The following LRRC51 variants were observed in gnomAD, a reference collection of about 807,000 sequenced individuals.
LRRC51 encodes the protein leucine-rich repeat-containing protein 51.
In LRRC51, 8 loss-of-function variants were observed where a neutral mutation model predicts 17.8. That is an observed-to-expected ratio of 0.45 (90% confidence interval 0.26 to 0.81). The LOEUF (loss-of-function observed/expected upper bound fraction) is 0.81, where lower values mean the gene tolerates loss of function less well. Ranked by LOEUF, LRRC51 falls within the 30% of genes least tolerant of loss-of-function variation. The pLI is 0.17. For missense variants in LRRC51, 233 were observed against 239.3 expected, an observed-to-expected ratio of 0.97 and a Z score of 0.17; for synonymous variants, 92 against 96.0, an observed-to-expected ratio of 0.96 and a Z score of 0.24.
In LRRC51 at chr11:72,089,393, C is replaced by T. The variant is rs553481632; in HGVS notation, c.82+228C>T. ...CCCCAGGAGATCCTAAGAACATGTGCCCCTGTTTGTTTTTTTTAAGCAGCA... is the reference window on the plus strand; with the variant it reads ...CCCCAGGAGATCCTAAGAACATGTGTCCCTGTTTGTTTTTTTTAAGCAGCA... On this transcript the variant is annotated intron_variant, in intron 3 of 5. Coordinates refer to ENST00000289488, the MANE Select transcript of LRRC51 (RefSeq NM_145309.6). 1.4e-5 allele frequency: 21 copies of T among 1,460,292 alleles called. No individual in the cohort carries two copies. The Admixed American group carries it at 3.6e-4, about 25-fold the overall frequency. The allele number at this position is 1,460,292 out of a possible 1,614,324, so 90.5% of individuals were successfully genotyped here. A position where few individuals can be genotyped will look rare whatever the true frequency, so the allele number is the denominator to read the frequency against.
chr11:72,094,842 G>A, intron 4 of LRRC51, 106 bp from the exon 5 acceptor site: 2 of 1,609,290 alleles, frequency 1.2e-6, no homozygotes, highest in Admixed American at 1.7e-5. Context: ...GGAGTGGAGG[G>A]CAGGTTGTTC....
chr11:72,087,519 T>C (rs1210878741), intron 1 of LRRC51, among the ~76,000 whole-genome samples: 1 of 152,232 alleles, frequency 6.6e-6, no homozygotes, highest in Non-Finnish European at 1.5e-5. Context: ...TGATGAGAAC[T>C]GCAATCCCAA....
At chr11:72,095,333 G>C (rs201350730) in intron 5 of LRRC51, 46 bp from the exon 6 acceptor site, 19 of 1,613,076 alleles carry the variant, frequency 1.2e-5, no homozygotes, top group Non-Finnish European at 1.6e-5. Flanking sequence ...AGGGGGAAGG[G>C]GATTCTGGTG....
Position 72,081,051 on chromosome 11 carries a change from G to C in LRRC51, c.-140+166G>C, listed in dbSNP as rs1222535343. Reference sequence around the variant, plus strand: ...GCGAACAAGATACAACACTCACATGGGACAGACTGGGCGAGGGGGAGCAGA... The same window carrying C: ...GCGAACAAGATACAACACTCACATGCGACAGACTGGGCGAGGGGGAGCAGA... On this transcript the variant is annotated intron_variant, in intron 1 of 5. Transcript: ENST00000289488. 3.3e-5 allele frequency among the ~76,000 whole-genome samples: 5 copies of C among 152,280 alleles called. No individual in the cohort carries two copies. In the East Asian group the frequency reaches 9.6e-4, roughly 29 times the overall value.
intron 2 of LRRC51, chr11:72,088,644 G>C: frequency 9.0e-6 from 5 of 557,934 alleles, no homozygotes; most frequent in Non-Finnish European, 1.6e-5. Context: ...TATCAAGACA[G>C]TCTCCACAGT....
Position 72,096,439 on chromosome 11 carries a change from T to C in LRRC51, c.*919T>C. 3.9e-6 allele frequency: 3 copies of C among 776,516 alleles called. No homozygotes were observed. Among genetic ancestry groups the C allele is most frequent in the Non-Finnish European group, 4.9e-6 (3 of 615,860 alleles). 48.1% of individuals were successfully genotyped at this position (776,516 alleles called of 1,614,324 possible). A position where few individuals can be genotyped will look rare whatever the true frequency, so the allele number is the denominator to read the frequency against. ...TTTTAGTAGAGATGGGGTTTCGCCA[T>C]GTTGGCCAGGCTGGTCTCAAACTCC... On this transcript the variant is annotated 3_prime_UTR_variant, in exon 6 of 6. Coordinates refer to ENST00000289488, the MANE Select transcript of LRRC51 (RefSeq NM_145309.6).
At chr11:72,086,351 TG>T in intron 1 of LRRC51, 1 of 694,610 alleles carries the variant, frequency 1.4e-6, no homozygotes, top group Non-Finnish European at 2.6e-6. Flanking sequence ...TCATTTCTTC[TG>T]GTCAGGCACA....
At chr11:72,092,705 G>A (rs560229162) in intron 3 of LRRC51, among the ~76,000 whole-genome samples, 2 of 152,272 alleles carry the variant, frequency 1.3e-5, no homozygotes, top group East Asian at 1.9e-4. Context: ...ACACAAACCC[G>A]CCCCAGACTC....
chr11:72,090,877 G>A (rs148144486), intron 3 of LRRC51, among the ~76,000 whole-genome samples: 59 of 152,290 alleles, frequency 3.9e-4, no homozygotes, highest in African/African-American at 1.2e-3. Context: ...CTGACACATG[G>A]CAAGAGCTAC....
In LRRC51 at chr11:72,094,957, A is replaced by C; in HGVS notation, c.298A>C (p.Thr100Pro). 4.3e-6 allele frequency: 7 copies of C among 1,613,966 alleles called. No homozygotes were observed. Among genetic ancestry groups the C allele is most frequent in the Non-Finnish European group, 5.9e-6 (7 of 1,179,986 alleles). Residue 100 changes from threonine (T) to proline (P), a missense_variant, in exon 5 of 6, where the codon ACT becomes CCT. Coordinates refer to ENST00000289488, the MANE Select transcript of LRRC51 (RefSeq NM_145309.6). The stretch of plus-strand genomic sequence containing the variant: ...TTTCCCTCCCCAACAGGTCCTAACA[A>C]CTTTCTTCAACCTGAGTGTCCTCTA... ...DLTSIDPVLTTFFNLSVLYLH... is the reference protein window; with the variant it reads ...DLTSIDPVLTPFFNLSVLYLH...
At position 72,093,720 on chromosome 11, in the gene LRRC51, G is replaced by C. The variant is rs561276087; in HGVS notation, c.288+19G>C. ...TGACCCTGTGAGTTCCTAACAGTAG[G>C]AATCCAGTCAGGGGAGCCTGAAGCC... is the stretch of plus-strand genomic sequence containing the variant. On this transcript the variant is annotated intron_variant, in intron 4 of 5. Transcript: ENST00000289488. 704 of 1,613,198 alleles carry C rather than the reference G, an allele frequency of 4.4e-4. 8 individuals carry two copies. The South Asian group carries it at 6.9e-3, about 16-fold the overall frequency.
At position 72,088,313 on chromosome 11, in the gene LRRC51, A is replaced by C; in HGVS notation, c.-123A>C. On this transcript the variant is annotated 5_prime_UTR_variant, in exon 2 of 6. Transcript: ENST00000289488. The stretch of plus-strand genomic sequence containing the variant: ...CCCTGTCAGGGAGTATTTCCATTTT[A>C]ACCGGAAACAATCCCTGAACCCACA... The C allele has an allele frequency of 1.4e-6, 1 of 701,790 alleles. No individual in the cohort carries two copies. The highest frequency in any genetic ancestry group is 1.5e-5 in the South Asian group (1 of 67,490). 43.5% of individuals were successfully genotyped at this position (701,790 alleles called of 1,614,324 possible).
intron 3 of LRRC51, among the ~76,000 whole-genome samples, chr11:72,091,861 C>T (rs188198031): frequency 8.5e-5 from 13 of 152,324 alleles, no homozygotes; most frequent in Admixed American, 2.0e-4. Flanking sequence ...GCTGGGATTA[C>T]AGGCATGAAA....
intron 3 of LRRC51, chr11:72,089,413 G>T: frequency 7.0e-7 from 1 of 1,429,142 alleles, no homozygotes; most frequent in Non-Finnish European, 9.3e-7. Flanking sequence ...TTTTTTTTAA[G>T]CAGCAAATCT....
At chr11:72,081,147 G>A (rs1005347726) in intron 1 of LRRC51, among the ~76,000 whole-genome samples, 3 of 152,242 alleles carry the variant, frequency 2.0e-5, no homozygotes, top group African/African-American at 7.2e-5. Context: ...CCAGGGCCGG[G>A]AGCGGTGGCT....
At position 72,081,179 on chromosome 11, in the gene LRRC51, G is replaced by C. The variant is rs144820471; in HGVS notation, c.-140+294G>C. Among the ~76,000 whole-genome samples, 1,246 of 152,330 alleles carry C rather than the reference G, an allele frequency of 8.2e-3. 12 individuals are homozygous for C. Among genetic ancestry groups the C allele is most frequent in the Non-Finnish European group, 0.013 (879 of 68,022 alleles). The stretch of plus-strand genomic sequence containing the variant: ...GGCTCACGCCTGTAATCCCAACACT[G>C]GGAGACCAAGGCGGGCGGACCACTT... On this transcript the variant is annotated intron_variant, in intron 1 of 5. Transcript: ENST00000289488.
chr11:72,088,947 G>C, intron 2 of LRRC51, 82 bp from the exon 3 acceptor site: 1 of 1,526,796 alleles, frequency 6.5e-7, no homozygotes, highest in Non-Finnish European at 8.9e-7. Flanking sequence ...GAGTAGTAGA[G>C]GACAGAAAGC....
At chr11:72,082,376 CTA>C in intron 1 of LRRC51, among the ~76,000 whole-genome samples, 1 of 152,254 alleles carries the variant, frequency 6.6e-6, no homozygotes, top group African/African-American at 2.4e-5. Context: ...CCACTGCACT[CTA>C]TATTCTCTTC....
chr11:72,095,011 G>C lies in LRRC51; in HGVS notation c.352G>C (p.Gly118Arg), dbSNP rs149637884. ...TCACGGCAACAGCATCCAGCGCCTG[G>C]GGGAGGTGAATAAGCTGGCTGTCCT... ...YLHGNSIQRL[G>R]EVNKLAVLPR... The change falls in exon 5 of 6, where the codon GGG becomes CGG. Residue 118 changes from glycine to arginine, a missense_variant. By Grantham distance (125) the Gly-to-Arg change is moderately radical. Transcript: ENST00000289488. The C allele has an allele frequency of 6.3e-3, 10,113 of 1,614,014 alleles. 44 individuals are homozygous for C. Among genetic ancestry groups the C allele is most frequent in the Non-Finnish European group, 7.3e-3 (8,575 of 1,180,004 alleles).
Sources: gnomAD v4.1 joint callset for allele counts (sites outside exome capture counted in the v4.1 genomes callset) on GRCh38, gnomAD v4.1.1 for gene constraint, MANE v1.5 for transcripts, NCBI Gene and HGNC (gene_info 2026-07-23, HGNC 2026-07-21) for gene names.